Variants in CCDC178 observed in about 807,000 individuals in gnomAD.
The protein encoded by CCDC178 is coiled-coil domain containing 178.
A neutral mutation model predicts 117.4 loss-of-function variants in CCDC178; 126 were observed. The observed-to-expected ratio is 1.07, with a 90% CI of 0.93 to 1.24. The LOEUF (loss-of-function observed/expected upper bound fraction) is 1.24. Among genes scored for constraint, CCDC178 ranks in the 50% most tolerant of loss-of-function variants. CCDC178 has a pLI of 0.00. For synonymous variants in CCDC178, 283 were observed against 313.4 expected, an observed-to-expected ratio of 0.90 and a Z score of 1.02; for missense variants, 1,030 against 986.9, an observed-to-expected ratio of 1.04 and a Z score of -0.59.
At chr18:33,389,976 T>C (rs2063544936) in intron 4 of CCDC178, among the ~76,000 whole-genome samples, 1 of 149,770 alleles carries the variant, frequency 6.7e-6, no homozygotes, top group Non-Finnish European at 1.5e-5. Flanking sequence ...TTTTAAAAAA[T>C]GATATGCATG....
intron 2 of CCDC178, among the ~76,000 whole-genome samples, chr18:33,423,006 C>T (rs2064051367): frequency 6.6e-6 from 1 of 152,080 alleles, no homozygotes; most frequent in Non-Finnish European, 1.5e-5. Context: ...ATTTTGTTTG[C>T]TTCTTCATAG....
chr18:33,065,967 T>A (rs1025103180), intron 21 of CCDC178, among the ~76,000 whole-genome samples: 2 of 151,256 alleles, frequency 1.3e-5, no homozygotes, highest in African/African-American at 2.4e-5. Flanking sequence ...GTTCACGCCA[T>A]TCTTCTGCCT....
chr18:32,964,863 C>T (rs2054778870), intron 22 of CCDC178, among the ~76,000 whole-genome samples: 1 of 151,962 alleles, frequency 6.6e-6, no homozygotes, highest in Non-Finnish European at 1.5e-5. Flanking sequence ...ATGCAAAAAA[C>T]ATTTCTAGAA....
chr18:33,299,123 T>A (rs906142570), intron 11 of CCDC178, among the ~76,000 whole-genome samples: 1 of 152,122 alleles, frequency 6.6e-6, no homozygotes, highest in African/African-American at 2.4e-5. Flanking sequence ...AAGTTAAAAA[T>A]TTTATGGAAC....
At chr18:33,337,604 C>G (rs983879646) in intron 9 of CCDC178, among the ~76,000 whole-genome samples, 6 of 151,942 alleles carry the variant, frequency 3.9e-5, no homozygotes, top group African/African-American at 7.2e-5. Flanking sequence ...CAGAAATAAG[C>G]CAAATACAGC....
At chr18:32,956,647 G>A (rs1394870576) in intron 22 of CCDC178, 2 of 152,060 alleles carry the variant, frequency 1.3e-5, no homozygotes, top group Non-Finnish European at 2.9e-5. Flanking sequence ...TATTTGTGAG[G>A]CCCAAGTTAA....
At chr18:33,306,472 GGTTATATATAATATA>G (rs2062252753) in intron 11 of CCDC178, among the ~76,000 whole-genome samples, 1 of 90,138 alleles carries the variant, frequency 1.1e-5, no homozygotes, top group African/African-American at 4.2e-5. Flanking sequence ...ATATATATAT[GGTTATATATAATATA>G]TGGTTATATA....
chr18:33,083,255 G>A (rs887748133), intron 21 of CCDC178, among the ~76,000 whole-genome samples: 2 of 152,114 alleles, frequency 1.3e-5, no homozygotes, highest in Non-Finnish European at 2.9e-5. Context: ...TCAAACCCAG[G>A]CAGTCTGGCC....
intron 14 of CCDC178, among the ~76,000 whole-genome samples, chr18:33,261,487 T>G (rs548955338): frequency 6.6e-6 from 1 of 152,330 alleles, no homozygotes; most frequent in South Asian, 2.1e-4. Flanking sequence ...CTGGGTAGTA[T>G]TATCAGACAC....
intron 20 of CCDC178, among the ~76,000 whole-genome samples, chr18:33,134,086 T>C (rs2058098365): frequency 6.6e-6 from 1 of 151,914 alleles, no homozygotes; most frequent in Non-Finnish European, 1.5e-5. Flanking sequence ...ATGTACAAAA[T>C]GCTAGAAACT....
chr18:33,227,556 G>A (rs868034785), intron 15 of CCDC178, among the ~76,000 whole-genome samples: 11,215 of 110,904 alleles, frequency 0.1, 871 homozygotes, highest in African/African-American at 0.2. Context: ...GTGTGTGTGT[G>A]TATATATATA....
At chr18:33,380,549 G>A (rs900215743) in intron 5 of CCDC178, among the ~76,000 whole-genome samples, 5 of 152,148 alleles carry the variant, frequency 3.3e-5, no homozygotes, top group Non-Finnish European at 7.4e-5. Flanking sequence ...AACAAAGTGT[G>A]CTCCTTCAGC....
chr18:33,247,545 AT>A (rs1356709639), intron 14 of CCDC178, among the ~76,000 whole-genome samples: 2 of 152,024 alleles, frequency 1.3e-5, no homozygotes, highest in African/African-American at 4.8e-5. Flanking sequence ...GTACTAAGGT[AT>A]TTACTCAAAT....
At chr18:33,390,310 T>C (rs1159398988) in intron 4 of CCDC178, among the ~76,000 whole-genome samples, 1 of 151,944 alleles carries the variant, frequency 6.6e-6, no homozygotes, top group Non-Finnish European at 1.5e-5. Flanking sequence ...TATGTACACT[T>C]AATGCAGCAA....
chr18:33,333,504 TAC>T (rs2062700530), intron 9 of CCDC178, 110 bp from the exon 10 acceptor site: 8 of 344,206 alleles, frequency 2.3e-5, no homozygotes, highest in South Asian at 9.4e-5. Flanking sequence ...TGAATCTTAC[TAC>T]TTTTTTTTTT....
chr18:32,967,611 C>T (rs2054842313), intron 22 of CCDC178, among the ~76,000 whole-genome samples: 1 of 151,454 alleles, frequency 6.6e-6, no homozygotes, highest in Non-Finnish European at 1.5e-5. Flanking sequence ...TTAAACTGTG[C>T]AATAAAACCA....
At chr18:33,383,108 G>A (rs778264618) in intron 5 of CCDC178, among the ~76,000 whole-genome samples, 1 of 152,168 alleles carries the variant, frequency 6.6e-6, no homozygotes, top group Non-Finnish European at 1.5e-5. Context: ...ATTCCCCACA[G>A]TGCAGCAAAG....
chr18:33,146,374 T>A (rs2144320202), intron 20 of CCDC178, among the ~76,000 whole-genome samples: 1 of 152,302 alleles, frequency 6.6e-6, no homozygotes, highest in Non-Finnish European at 1.5e-5. Context: ...AAAGATCAGA[T>A]TCAGAGTGGC....
At chr18:33,369,988 AC>A (rs2144757164) in intron 6 of CCDC178, 61 bp downstream of exon 6, 1 of 1,363,260 alleles carries the variant, frequency 7.3e-7, no homozygotes, top group African/African-American at 1.5e-5. Flanking sequence ...TCTTTAAATA[AC>A]CAATCCTTAG....
Sources: allele counts gnomAD v4.1 joint callset (sites outside exome capture counted in the v4.1 genomes callset), GRCh38; gene constraint gnomAD v4.1.1; transcripts MANE v1.5; gene names NCBI Gene and HGNC (gene_info 2026-07-23, HGNC 2026-07-21).